The following SGCZ variants were observed in gnomAD, a reference collection of about 807,000 sequenced individuals.
The protein encoded by SGCZ is sarcoglycan zeta, also known as zeta-sarcoglycan.
SGCZ carries 40 observed loss-of-function variants against 41.3 expected under a neutral mutation model. The observed-to-expected ratio is 0.97, with a 90% confidence interval of 0.75 to 1.26. SGCZ has a LOEUF of 1.26. Among genes scored for constraint, SGCZ ranks in the 50% most tolerant of loss-of-function variants. The probability of loss-of-function intolerance (pLI) is 0.00; values close to 1 mark genes in which losing one functional copy is unlikely to be tolerated. For missense variants in SGCZ, 552 were observed against 369.8 expected (o/e 1.49, Z -4.04); for synonymous variants, 206 against 137.5 (o/e 1.50, Z -3.49).
rs775039303 is a variant in SGCZ, at chr8:14,237,596, G to C, written c.420C>G (p.Thr140=). ...NHMGQLTGQL[T]IGADAVEAQC... is the part of the protein sequence containing the mutation. Reference sequence around the variant, plus strand: ...TCTTTACCCCAAAACACTCACCTATGGTCAGCTGTCCGGTTAACTGCCCCA... The same window carrying C: ...TCTTTACCCCAAAACACTCACCTATCGTCAGCTGTCCGGTTAACTGCCCCA... Residue 140 remains threonine (T), a synonymous_variant, in exon 4 of 8, where the codon ACC becomes ACG. Transcript: ENST00000382080. The C allele has an allele frequency of 3.2e-5, 51 of 1,613,512 alleles. No individual in the cohort carries two copies. Among genetic ancestry groups the C allele is most frequent in the Non-Finnish European group, 4.2e-5 (50 of 1,179,616 alleles).
At chr8:15,088,455 G>A (rs4831676) in intron 1 of SGCZ, among the ~76,000 whole-genome samples, 136,737 of 152,104 alleles carry the variant, frequency 0.9, 61,406 homozygotes, top group Admixed American at 0.94. Context: ...TTTCTCTACA[G>A]TAAATAATTT....
intron 4 of SGCZ, among the ~76,000 whole-genome samples, chr8:14,196,345 C>T (rs1188387218): frequency 2.0e-5 from 3 of 151,332 alleles, no homozygotes; most frequent in South Asian, 2.1e-4. Flanking sequence ...GTCACAGCAA[C>T]TTCCGCCTCC....
chr8:14,384,840 T>G (rs1804509645), intron 2 of SGCZ, among the ~76,000 whole-genome samples: 1 of 152,212 alleles, frequency 6.6e-6, no homozygotes, highest in East Asian at 1.9e-4. Context: ...CGTGAGATAC[T>G]GCACCCAGCC....
At chr8:14,524,016 C>T (rs1802866352) in intron 2 of SGCZ, among the ~76,000 whole-genome samples, 1 of 152,030 alleles carries the variant, frequency 6.6e-6, no homozygotes, top group Admixed American at 6.6e-5. Flanking sequence ...CTGTTGAAAA[C>T]ATTCATTGAG....
intron 1 of SGCZ, among the ~76,000 whole-genome samples, chr8:15,169,418 C>A (rs1799764338): frequency 1.3e-5 from 2 of 152,170 alleles, no homozygotes; most frequent in South Asian, 4.1e-4. Context: ...AACTCTCTAG[C>A]AGGGACTCCA....
intron 1 of SGCZ, among the ~76,000 whole-genome samples, chr8:14,899,717 G>C (rs1208739949): frequency 6.6e-6 from 1 of 151,964 alleles, no homozygotes; most frequent in African/African-American, 2.4e-5. Flanking sequence ...GGAGAGAGGA[G>C]GGTAGAAGAA....
At chr8:14,377,505 AT>A (rs1217104499) in intron 2 of SGCZ, among the ~76,000 whole-genome samples, 1 of 151,490 alleles carries the variant, frequency 6.6e-6, no homozygotes, top group Non-Finnish European at 1.5e-5. Context: ...TTTTTTTATT[AT>A]TTTTATTTTT....
At chr8:14,487,394 T>G (rs11779997) in intron 2 of SGCZ, among the ~76,000 whole-genome samples, 2 of 150,082 alleles carry the variant, frequency 1.3e-5, no homozygotes. Flanking sequence ...AAATGATGTA[T>G]GGCAAAGTAT....
intron 2 of SGCZ, among the ~76,000 whole-genome samples, chr8:14,352,621 G>C (rs913260953): frequency 1.3e-5 from 2 of 152,086 alleles, no homozygotes; most frequent in African/African-American, 4.8e-5. Context: ...GTGTCCTCTG[G>C]CTTGGGTAAC....
rs551317678 is a variant in SGCZ at position 14,235,786 on chromosome 8, G to C, written c.424+1806C>G. 4.6e-5 allele frequency among the ~76,000 whole-genome samples: 7 copies of C among 152,286 alleles called. No individual in the cohort carries two copies. In the South Asian group the frequency reaches 1.4e-3, roughly 32 times the overall value. On this transcript the variant is annotated intron_variant, in intron 4 of 7. Transcript: ENST00000382080. ...TGCAACCTGCGCCTCCTGGGTTCGA[G>C]TGATTCTCCAGCCTCAGCCTCCTGA...
intron 1 of SGCZ, among the ~76,000 whole-genome samples, chr8:15,100,927 G>A (rs1806587532): frequency 6.6e-6 from 1 of 151,666 alleles, no homozygotes. Flanking sequence ...AGTGAACCAT[G>A]ACTGCATTAC....
chr8:14,604,039 C>G (rs1175654410), intron 1 of SGCZ, among the ~76,000 whole-genome samples: 3 of 152,020 alleles, frequency 2.0e-5, no homozygotes, highest in Non-Finnish European at 4.4e-5. Flanking sequence ...CCAACTAAAG[C>G]TCAACAATCA....
chr8:14,162,098 A>G (rs1804064862), intron 5 of SGCZ, among the ~76,000 whole-genome samples: 1 of 152,204 alleles, frequency 6.6e-6, no homozygotes, highest in African/African-American at 2.4e-5. Flanking sequence ...CATTTCAAGG[A>G]TGGCATCGGG....
chr8:15,187,659 G>A (rs1419146965), intron 1 of SGCZ, among the ~76,000 whole-genome samples: 1 of 151,792 alleles, frequency 6.6e-6, no homozygotes, highest in Admixed American at 6.6e-5. Flanking sequence ...CACTAGCTTT[G>A]TCCCCACAAA....
chr8:14,674,716 T>G (rs1181584437), intron 1 of SGCZ, among the ~76,000 whole-genome samples: 1 of 151,860 alleles, frequency 6.6e-6, no homozygotes, highest in East Asian at 1.9e-4. Flanking sequence ...CCCTTTGTAT[T>G]GTCCTTGAAA....
At chr8:14,566,634 A>G (rs61229798) in intron 1 of SGCZ, among the ~76,000 whole-genome samples, 8,747 of 152,358 alleles carry the variant, frequency 0.057, 279 homozygotes, top group African/African-American at 0.074. Flanking sequence ...TTTGTTTTAC[A>G]TGATAGTGAG....
intron 5 of SGCZ, among the ~76,000 whole-genome samples, chr8:14,161,528 A>G (rs1173762261): frequency 6.6e-6 from 1 of 152,212 alleles, no homozygotes. Flanking sequence ...TTGATTACCA[A>G]TATTCACCCT....
At chr8:14,721,843 C>T (rs1809896242) in intron 1 of SGCZ, among the ~76,000 whole-genome samples, 3 of 150,968 alleles carry the variant, frequency 2.0e-5, no homozygotes. Flanking sequence ...CATTAACTAT[C>T]TGATCTTAAC....
chr8:14,745,644 C>T (rs560129163), intron 1 of SGCZ, among the ~76,000 whole-genome samples: 2 of 151,772 alleles, frequency 1.3e-5, no homozygotes, highest in African/African-American at 4.8e-5. Flanking sequence ...TATACACACA[C>T]ACATATATAT....
Sources: allele counts gnomAD v4.1 joint callset (sites outside exome capture counted in the v4.1 genomes callset), GRCh38; gene constraint gnomAD v4.1.1; transcripts MANE v1.5; gene names NCBI Gene and HGNC (gene_info 2026-07-23, HGNC 2026-07-21).